Variants in SLC25A21 observed in about 807,000 individuals in gnomAD.
SLC25A21 encodes mitochondrial 2-oxodicarboxylate carrier.
SLC25A21 carries 47 observed loss-of-function variants against 43.8 expected under a neutral mutation model. The ratio of observed to expected loss-of-function variants is 1.07; its 90% CI spans 0.85 to 1.37. The LOEUF (loss-of-function observed/expected upper bound fraction) is 1.37, where lower values mean the gene tolerates loss of function less well. Ranked by LOEUF, SLC25A21 falls within the 40% of genes most tolerant of loss-of-function variation. The pLI, the probability that SLC25A21 is intolerant of heterozygous loss-of-function variation, is 0.00. For missense variants in SLC25A21, 352 were observed against 350.2 expected (o/e 1.00, Z -0.04); for synonymous variants, 131 against 121.3 (o/e 1.08, Z -0.52).
intron 1 of SLC25A21, among the ~76,000 whole-genome samples, chr14:36,892,554 T>G (rs1891100822): frequency 6.6e-6 from 1 of 152,150 alleles, no homozygotes; most frequent in Non-Finnish European, 1.5e-5. Context: ...ATCTCACTTT[T>G]TTTTTTATTA....
At chr14:36,868,020 G>C (rs1367017432) in intron 2 of SLC25A21, among the ~76,000 whole-genome samples, 1 of 151,974 alleles carries the variant, frequency 6.6e-6, no homozygotes, top group Non-Finnish European at 1.5e-5. Flanking sequence ...ATGCAAACTT[G>C]AAGCTGCCAA....
In SLC25A21 at chr14:36,680,738, G is replaced by A; in HGVS notation, c.839-19C>T. ...GCACCACCTAGAAAAGAAAAGAGCTGTTTTTTATTGCAAATCCTCTGGAAT... is the reference window on the plus strand; with the variant it reads ...GCACCACCTAGAAAAGAAAAGAGCTATTTTTTATTGCAAATCCTCTGGAAT... On this transcript the variant is annotated intron_variant, in intron 9 of 9. Coordinates refer to ENST00000331299, the MANE Select transcript of SLC25A21 (RefSeq NM_030631.4). 6.2e-7 allele frequency: 1 copy of A among 1,608,256 alleles called. No homozygotes were observed. Among genetic ancestry groups the A allele is most frequent in the Non-Finnish European group, 8.5e-7 (1 of 1,177,136 alleles).
chr14:37,061,146 A>C (rs779795175), intron 1 of SLC25A21, among the ~76,000 whole-genome samples: 1 of 152,164 alleles, frequency 6.6e-6, no homozygotes, highest in Non-Finnish European at 1.5e-5. Context: ...TGAACTTTCC[A>C]TTGTAAATAG....
chr14:37,080,126 G>A (rs186805096), intron 1 of SLC25A21, among the ~76,000 whole-genome samples: 28 of 152,156 alleles, frequency 1.8e-4, no homozygotes, highest in Admixed American at 1.2e-3. Context: ...CCCAGTTTAT[G>A]GTATTTTGTT....
At chr14:37,025,895 T>C (rs79756400) in intron 1 of SLC25A21, among the ~76,000 whole-genome samples, 1,624 of 152,232 alleles carry the variant, frequency 0.011, 11 homozygotes, top group African/African-American at 0.026. Flanking sequence ...TAAATTTAAA[T>C]TGGTGTGGAT....
chr14:37,006,781 T>A (rs1310216891), intron 1 of SLC25A21, among the ~76,000 whole-genome samples: 4 of 152,178 alleles, frequency 2.6e-5, no homozygotes, highest in Non-Finnish European at 4.4e-5. Flanking sequence ...ATTGATGTCA[T>A]ATCTGATAAG....
chr14:36,812,955 T>C (rs528008461), intron 3 of SLC25A21, among the ~76,000 whole-genome samples: 1 of 152,300 alleles, frequency 6.6e-6, no homozygotes, highest in Non-Finnish European at 1.5e-5. Flanking sequence ...AAGCTAAATA[T>C]ATACTAATTA....
At chr14:36,987,677 C>G (rs544262821) in intron 1 of SLC25A21, among the ~76,000 whole-genome samples, 2 of 152,206 alleles carry the variant, frequency 1.3e-5, no homozygotes, top group African/African-American at 4.8e-5. Context: ...GACCTCTTCA[C>G]CTTCATTAAA....
chr14:37,007,738 A>T (rs1960638776), intron 1 of SLC25A21, among the ~76,000 whole-genome samples: 1 of 152,166 alleles, frequency 6.6e-6, no homozygotes, highest in African/African-American at 2.4e-5. Flanking sequence ...CTTTACGGGA[A>T]GAAATTATCA....
At chr14:37,054,457 A>G (rs1249220614) in intron 1 of SLC25A21, among the ~76,000 whole-genome samples, 1 of 152,260 alleles carries the variant, frequency 6.6e-6, no homozygotes, top group Non-Finnish European at 1.5e-5. Context: ...GTACATCAAT[A>G]GAAAGCCAGA....
intron 2 of SLC25A21, among the ~76,000 whole-genome samples, chr14:36,821,945 T>G (rs1888652487): frequency 6.6e-6 from 1 of 152,304 alleles, no homozygotes; most frequent in African/African-American, 2.4e-5. Flanking sequence ...AGGGTGTGGT[T>G]TATAGTTCCA....
chr14:36,955,863 A>G (rs1959327018), intron 1 of SLC25A21, among the ~76,000 whole-genome samples: 2 of 152,154 alleles, frequency 1.3e-5, no homozygotes, highest in African/African-American at 4.8e-5. Context: ...ACACATACAA[A>G]AAGTAGGGAC....
At chr14:37,113,936 A>T (rs966158238) in intron 1 of SLC25A21, among the ~76,000 whole-genome samples, 2 of 152,074 alleles carry the variant, frequency 1.3e-5, no homozygotes, top group African/African-American at 4.8e-5. Context: ...TTTGCTACTA[A>T]AATATTGAAA....
intron 2 of SLC25A21, among the ~76,000 whole-genome samples, chr14:36,861,100 G>C (rs1218712345): frequency 2.0e-5 from 3 of 152,110 alleles, no homozygotes; most frequent in Non-Finnish European, 4.4e-5. Flanking sequence ...TCTCAGCTGT[G>C]CCCTGACTGC....
At chr14:36,963,100 T>C (rs1959532902) in intron 1 of SLC25A21, among the ~76,000 whole-genome samples, 1 of 152,200 alleles carries the variant, frequency 6.6e-6, no homozygotes, top group South Asian at 2.1e-4. Context: ...TTAAAGAGGT[T>C]GAAAGTCAAA....
chr14:37,151,150 G>A (rs1441010502), intron 1 of SLC25A21, among the ~76,000 whole-genome samples: 1 of 152,000 alleles, frequency 6.6e-6, no homozygotes, highest in Non-Finnish European at 1.5e-5. Flanking sequence ...GAGGCTATAC[G>A]TTCTCCCTAC....
chr14:37,028,288 T>C (rs1295483468), intron 1 of SLC25A21, among the ~76,000 whole-genome samples: 2 of 152,088 alleles, frequency 1.3e-5, no homozygotes, highest in Non-Finnish European at 2.9e-5. Flanking sequence ...AGCAAAGCAA[T>C]AGCATTGGGG....
At chr14:36,900,039 G>T (rs1169033041) in intron 1 of SLC25A21, among the ~76,000 whole-genome samples, 1 of 152,026 alleles carries the variant, frequency 6.6e-6, no homozygotes, top group Non-Finnish European at 1.5e-5. Flanking sequence ...GGAGGAATTT[G>T]TTGGCTCATA....
chr14:37,050,286 C>T (rs1190740178), intron 1 of SLC25A21, among the ~76,000 whole-genome samples: 2 of 152,206 alleles, frequency 1.3e-5, no homozygotes, highest in Non-Finnish European at 2.9e-5. Context: ...GTACTCCATA[C>T]ATGGCATTTT....
Sources: gnomAD v4.1 joint callset for allele counts (sites outside exome capture counted in the v4.1 genomes callset) on GRCh38, gnomAD v4.1.1 for gene constraint, MANE v1.5 for transcripts, NCBI Gene and HGNC (gene_info 2026-07-23, HGNC 2026-07-21) for gene names.